Variants in CISTR observed in about 807,000 individuals in gnomAD.
The protein encoded by CISTR is chondrogenic regulator lncRNA.
At chr12:53,748,305 C>A (rs577409844) in intron 2 of CISTR, among the ~76,000 whole-genome samples, 15 of 152,338 alleles carry the variant, frequency 9.8e-5, no homozygotes, top group East Asian at 5.8e-4. Context: ...CAGCGCCCCC[C>A]CAACTCCATC....
chr12:53,754,904 G>C (rs1937899018), intron 1 of CISTR, among the ~76,000 whole-genome samples: 1 of 151,988 alleles, frequency 6.6e-6, no homozygotes, highest in Non-Finnish European at 1.5e-5. Flanking sequence ...TTGGTTTCTT[G>C]TCTTTTGTGT....
Position 53,751,388 on chromosome 12 carries a change from C to T in CISTR, n.415-423G>A, listed in dbSNP as rs373163573. 1.3e-5 allele frequency among the ~76,000 whole-genome samples: 2 copies of T among 152,148 alleles called. No individual in the cohort carries two copies. Among genetic ancestry groups the T allele is most frequent in the African/African-American group, 4.8e-5 (2 of 41,444 alleles). On this transcript the variant is annotated intron_variant and non_coding_transcript_variant, in intron 1 of 2. Coordinates refer to ENST00000669269, the Ensembl canonical transcript of CISTR. This position sits in a 1 kb window ranked among gnomAD's most constrained non-coding sequence, Gnocchi z 4.6. ...GTGGGTGTCCTCTCCTTCACTCTTT[C>T]CCCAGCCCTGTCGCCTCCCACCCCC...
chr12:53,753,828 C>T (rs1261410665), intron 1 of CISTR, among the ~76,000 whole-genome samples: 4 of 152,072 alleles, frequency 2.6e-5, no homozygotes. Context: ...TTCTTGAAGA[C>T]ACCTGGGATA....
At chr12:53,753,099 C>G (rs1422610463) in intron 1 of CISTR, among the ~76,000 whole-genome samples, 21 of 141,730 alleles carry the variant, frequency 1.5e-4, no homozygotes, top group African/African-American at 4.7e-4. Context: ...CAGAGAGAGA[C>G]ACACGTGTCC....
chr12:53,747,392 A>G (rs181059270), intron 2 of CISTR, among the ~76,000 whole-genome samples: 49 of 152,114 alleles, frequency 3.2e-4, no homozygotes, highest in Non-Finnish European at 5.6e-4. Flanking sequence ...CCTGCACTCA[A>G]TGCTCATTAG....
At chr12:53,752,544 A>G (rs1259325831) in intron 1 of CISTR, among the ~76,000 whole-genome samples, 5 of 152,174 alleles carry the variant, frequency 3.3e-5, no homozygotes, top group African/African-American at 1.2e-4. Flanking sequence ...CGCTGTGATA[A>G]CGAATGTAAC....
chr12:53,754,700 A>C (rs1480673289), intron 1 of CISTR, among the ~76,000 whole-genome samples: 1 of 152,172 alleles, frequency 6.6e-6, no homozygotes, highest in East Asian at 1.9e-4. Flanking sequence ...TATTCTCTTC[A>C]TACCTGCTAG....
At chr12:53,746,908 C>G (rs1179960079) in intron 2 of CISTR, among the ~76,000 whole-genome samples, 1 of 152,240 alleles carries the variant, frequency 6.6e-6, no homozygotes, top group African/African-American at 2.4e-5. Flanking sequence ...CAGCTTTCCC[C>G]CAACAGTTTC....
intron 1 of CISTR, among the ~76,000 whole-genome samples, chr12:53,752,029 C>T (rs1009382582): frequency 6.6e-6 from 1 of 152,066 alleles, no homozygotes. Context: ...ACTTTCTCCG[C>T]CCCGCACCGC....
chr12:53,754,012 T>A (rs1254192585), intron 1 of CISTR, among the ~76,000 whole-genome samples: 1 of 138,882 alleles, frequency 7.2e-6, no homozygotes, highest in Non-Finnish European at 1.6e-5. Flanking sequence ...CATGGGCTAG[T>A]GAACCATGGC....
chr12:53,755,537 G>A (rs553105819), intron 1 of CISTR, among the ~76,000 whole-genome samples: 14 of 152,242 alleles, frequency 9.2e-5, no homozygotes, highest in Admixed American at 8.5e-4. Flanking sequence ...TGTGTATGTC[G>A]GGGAGGGGAA....
intron 1 of CISTR, among the ~76,000 whole-genome samples, chr12:53,755,231 G>T (rs1937901531): frequency 6.6e-6 from 1 of 152,178 alleles, no homozygotes; most frequent in Non-Finnish European, 1.5e-5. Flanking sequence ...GTCCCACGAT[G>T]TGAGACACAT....
chr12:53,748,995 T>C (rs547817879), intron 2 of CISTR, among the ~76,000 whole-genome samples: 65 of 151,946 alleles, frequency 4.3e-4, no homozygotes, highest in Non-Finnish European at 8.8e-4. Context: ...TGTGTGTGTG[T>C]GTGAGCAGGA....
At chr12:53,749,684 G>A (rs1937824297) in intron 2 of CISTR, among the ~76,000 whole-genome samples, 2 of 152,074 alleles carry the variant, frequency 1.3e-5, no homozygotes, top group East Asian at 3.9e-4. Flanking sequence ...TCTCTTTGGG[G>A]ATCACCTTTA....
intron 2 of CISTR, among the ~76,000 whole-genome samples, chr12:53,747,151 C>T (rs1937792129): frequency 6.6e-6 from 1 of 152,132 alleles, no homozygotes; most frequent in Non-Finnish European, 1.5e-5. Context: ...GGTGACATTC[C>T]TGGAGAAAAT....
chr12:53,752,662 A>G (rs1014851360), intron 1 of CISTR, among the ~76,000 whole-genome samples: 1 of 152,082 alleles, frequency 6.6e-6, no homozygotes, highest in African/African-American at 2.4e-5. Context: ...GGAGAGAAAA[A>G]CCAAGGTCAC....
intron 1 of CISTR, among the ~76,000 whole-genome samples, chr12:53,753,052 TCACACACACACACA>T (rs760615546): frequency 4.1e-5 from 5 of 121,246 alleles, no homozygotes; most frequent in South Asian, 2.5e-4. Context: ...CATCTATACA[TCACACACACACACA>T]CACACACACA....
intron 2 of CISTR, among the ~76,000 whole-genome samples, chr12:53,746,872 A>C (rs1937788234): frequency 6.6e-6 from 1 of 152,176 alleles, no homozygotes; most frequent in Non-Finnish European, 1.5e-5. Context: ...CGTATATTAC[A>C]AGAAGCGATC....
chr12:53,755,308 GGTGTGTGTGTGT>G (rs3058893), intron 1 of CISTR, among the ~76,000 whole-genome samples: 1 of 147,150 alleles, frequency 6.8e-6, no homozygotes, highest in South Asian at 2.2e-4. Context: ...TCCTGTTTGG[GGTGTGTGTGTGT>G]GTGTGTGTGT....
Sources: gnomAD v4.1 joint callset for allele counts (sites outside exome capture counted in the v4.1 genomes callset) on GRCh38, gnomAD v4.1.1 for gene constraint, Gnocchi (gnomAD v3.1) non-coding constraint, MANE v1.5 for transcripts, NCBI Gene and HGNC (gene_info 2026-07-23, HGNC 2026-07-21) for gene names.